RNF217: variants seen among roughly 807,000 people sequenced by gnomAD.
The protein encoded by RNF217 is ring finger protein 217.
Under a neutral mutation model 57.8 loss-of-function variants are expected in RNF217, and 31 were observed. The ratio of observed to expected loss-of-function variants is 0.54; its 90% confidence interval spans 0.40 to 0.72. The LOEUF (loss-of-function observed/expected upper bound fraction) is 0.72. Ranked by LOEUF, RNF217 falls within the 30% of genes least tolerant of loss-of-function variation. The probability of loss-of-function intolerance (pLI) is 0.00; values close to 1 mark genes in which losing one functional copy is unlikely to be tolerated. For synonymous variants in RNF217, 313 were observed against 294.0 expected (o/e 1.06, Z -0.66); for missense variants, 696 against 708.3 (o/e 0.98, Z 0.20).
rs1181734697 is a variant in RNF217 at position 125,092,080 on chromosome 6, A to AT, written c.*9143_*9144insT. ...GTAAATATTTGACAAAGAAAAAAAA[A>AT]GGAAAAGAATCTTCCTGCCAACAGG... On this transcript the variant is annotated 3_prime_UTR_variant, in exon 6 of 6. Coordinates refer to ENST00000521654, the MANE Select transcript of RNF217 (RefSeq NM_001286398.3). The AT allele has an allele frequency of 3.3e-5, 5 of 152,176 alleles. No homozygotes were observed. The highest frequency in any genetic ancestry group is 2.4e-5 in the African/African-American group (1 of 41,450). The allele number at this position is 152,176 out of a possible 1,614,324, so 9.4% of individuals were successfully genotyped here.
Position 125,087,691 on chromosome 6 carries a change from A to G in RNF217, c.*4754A>G, listed in dbSNP as rs1788811274. On this transcript the variant is annotated 3_prime_UTR_variant, in exon 6 of 6. Coordinates refer to ENST00000521654, the MANE Select transcript of RNF217 (RefSeq NM_001286398.3). ...AAGCTAAAGATTTAAAACAAATAAA[A>G]CATACCTGAAGAAAAGTAGCAATTT... The G allele has an allele frequency of 6.6e-6, 1 of 152,224 alleles. No individual in the cohort carries two copies. Among genetic ancestry groups the G allele is most frequent in the East Asian group, 1.9e-4 (1 of 5,184 alleles). 9.4% of individuals were successfully genotyped at this position (152,224 alleles called of 1,614,324 possible).
intron 1 of RNF217, among the ~76,000 whole-genome samples, chr6:124,991,082 C>A (rs1423515417): frequency 6.6e-6 from 1 of 152,110 alleles, no homozygotes; most frequent in East Asian, 1.9e-4. Flanking sequence ...AAATGTAAGA[C>A]CTGACATGTT....
chr6:124,972,087 C>A (rs2114991712), intron 1 of RNF217, among the ~76,000 whole-genome samples: 1 of 152,270 alleles, frequency 6.6e-6, no homozygotes, highest in African/African-American at 2.4e-5. Context: ...AACTAAATCC[C>A]CCTTTCCTCC....
intron 2 of RNF217, 29 bp from the exon 3 acceptor site, chr6:125,057,913 G>A: frequency 6.4e-7 from 1 of 1,570,008 alleles, no homozygotes; most frequent in African/African-American, 1.4e-5. Context: ...ATATCCACTA[G>A]TAATTAATAT....
chr6:125,030,531 A>G (rs1035355364), intron 1 of RNF217, among the ~76,000 whole-genome samples: 2 of 152,356 alleles, frequency 1.3e-5, no homozygotes, highest in African/African-American at 4.8e-5. Context: ...CCAAAAGGCC[A>G]AAACAAAGGG....
chr6:124,997,317 C>A (rs1273673647), intron 1 of RNF217, among the ~76,000 whole-genome samples: 2 of 152,154 alleles, frequency 1.3e-5, no homozygotes, highest in East Asian at 1.9e-4. Flanking sequence ...GTATTACAAT[C>A]CTGGTGCTTA....
intron 1 of RNF217, among the ~76,000 whole-genome samples, chr6:125,006,903 C>T (rs554265709): frequency 9.2e-5 from 14 of 152,316 alleles, no homozygotes; most frequent in East Asian, 1.9e-4. Context: ...GAGCCGAGAT[C>T]GCGCCATTGC....
chr6:125,028,506 T>G (rs1482918298), intron 1 of RNF217, among the ~76,000 whole-genome samples: 1 of 152,146 alleles, frequency 6.6e-6, no homozygotes, highest in Non-Finnish European at 1.5e-5. Context: ...GTGCAAAATT[T>G]CTTTTGGAAC....
At chr6:124,973,069 C>A (rs918595311) in intron 1 of RNF217, among the ~76,000 whole-genome samples, 3 of 152,036 alleles carry the variant, frequency 2.0e-5, no homozygotes, top group Non-Finnish European at 4.4e-5. Flanking sequence ...GAGCTAATAT[C>A]GTCAATATGT....
At chr6:125,003,341 T>A (rs2114299405) in intron 1 of RNF217, among the ~76,000 whole-genome samples, 1 of 152,186 alleles carries the variant, frequency 6.6e-6, no homozygotes, top group East Asian at 1.9e-4. Context: ...CTGATAGGGA[T>A]TAAAATCCCA....
At chr6:125,044,578 T>C (rs1255487800) in intron 1 of RNF217, among the ~76,000 whole-genome samples, 1 of 152,126 alleles carries the variant, frequency 6.6e-6, no homozygotes, top group Non-Finnish European at 1.5e-5. Context: ...TAAGGATGTT[T>C]TACATTGTTG....
At chr6:125,018,335 A>G (rs1473825838) in intron 1 of RNF217, among the ~76,000 whole-genome samples, 1 of 152,232 alleles carries the variant, frequency 6.6e-6, no homozygotes, top group Non-Finnish European at 1.5e-5. Context: ...GTATTGAGCA[A>G]GAAAACAGAA....
intron 1 of RNF217, among the ~76,000 whole-genome samples, chr6:124,969,474 G>T (rs940712577): frequency 1.6e-4 from 25 of 152,076 alleles, no homozygotes; most frequent in Non-Finnish European, 3.4e-4. Context: ...ATGACTTCTA[G>T]TTTATATCGT....
intron 3 of RNF217, among the ~76,000 whole-genome samples, chr6:125,072,671 G>C (rs2114631294): frequency 6.6e-6 from 1 of 152,298 alleles, no homozygotes. Flanking sequence ...AAGTTTTTCT[G>C]TCAGGAAAAG....
At chr6:125,068,141 A>T (rs1001958686) in intron 3 of RNF217, among the ~76,000 whole-genome samples, 11 of 152,142 alleles carry the variant, frequency 7.2e-5, no homozygotes, top group African/African-American at 2.4e-4. Context: ...TGAGATAATG[A>T]AAAAGAAGTA....
chr6:124,998,027 A>G (rs1189990078), intron 1 of RNF217, among the ~76,000 whole-genome samples: 1 of 152,064 alleles, frequency 6.6e-6, no homozygotes, highest in Non-Finnish European at 1.5e-5. Context: ...CCTAATTGAC[A>G]TGGCTCCTCA....
rs539400630 is a variant in RNF217, at chr6:125,070,948, T to C, written c.1282-5709T>C. ...TGGTGAAACTGGAGACAAATACTTGTGGGCAGATGTATACTGATTTAGTCA... is the reference window on the plus strand; with the variant it reads ...TGGTGAAACTGGAGACAAATACTTGCGGGCAGATGTATACTGATTTAGTCA... On this transcript the variant is annotated intron_variant, in intron 3 of 5. Coordinates refer to ENST00000521654, the MANE Select transcript of RNF217 (RefSeq NM_001286398.3). Among the ~76,000 whole-genome samples, 36 of 152,314 alleles carry C rather than the reference T, an allele frequency of 2.4e-4. No individual in the cohort carries two copies. In the East Asian group the frequency reaches 6.2e-3, roughly 26 times the overall value.
At chr6:125,052,318 G>T (rs1187381369) in intron 2 of RNF217, among the ~76,000 whole-genome samples, 11 of 139,482 alleles carry the variant, frequency 7.9e-5, no homozygotes, top group African/African-American at 3.6e-4. Context: ...GTGTGTGTGT[G>T]TGGTTTTATT....
intron 1 of RNF217, among the ~76,000 whole-genome samples, chr6:125,012,077 A>G (rs1320427305): frequency 6.6e-6 from 1 of 152,190 alleles, no homozygotes; most frequent in African/African-American, 2.4e-5. Flanking sequence ...AGAGATAGTC[A>G]GAGGTAGTTT....
Sources: allele counts gnomAD v4.1 joint callset (sites outside exome capture counted in the v4.1 genomes callset), GRCh38; gene constraint gnomAD v4.1.1; transcripts MANE v1.5; gene names NCBI Gene and HGNC (gene_info 2026-07-23, HGNC 2026-07-21).